Variants in EFCAB13 observed in about 807,000 individuals in gnomAD.
EFCAB13 encodes the protein EF-hand calcium-binding domain-containing protein 13.
In EFCAB13, 91 loss-of-function variants were observed where a neutral mutation model predicts 110.2. The observed-to-expected ratio is 0.83, with a 90% CI of 0.70 to 0.98. The LOEUF is 0.98. Among genes scored for constraint, EFCAB13 ranks in the 50% least tolerant of loss-of-function variants. The pLI is 0.00. For synonymous variants in EFCAB13, 323 were observed against 369.9 expected (o/e 0.87, Z 1.45); for missense variants, 968 against 1,119.4 (o/e 0.86, Z 1.93).
chr17:47,440,416 T>C lies in EFCAB13; in HGVS notation c.2639-15T>C, dbSNP rs1190592585. On this transcript the variant is annotated splice_polypyrimidine_tract_variant and intron_variant, in intron 24 of 24. Transcript: ENST00000331493. ...ATAATTCTTTCTTTTAAGTAAATTA[T>C]GCTTTGCCTTACAGAAAGTGGCAAG... is the stretch of plus-strand genomic sequence containing the variant. The C allele has an allele frequency of 6.5e-7, 1 of 1,550,176 alleles. No homozygotes were observed. Among genetic ancestry groups the C allele is most frequent in the Non-Finnish European group, 8.7e-7 (1 of 1,154,438 alleles).
Position 47,344,812 on chromosome 17 carries a change from G to A in EFCAB13, c.435-204G>A, listed in dbSNP as rs541340391. 8.5e-5 allele frequency among the ~76,000 whole-genome samples: 13 copies of A among 152,192 alleles called. No individual in the cohort carries two copies. In the East Asian group the frequency reaches 2.3e-3, roughly 27 times the overall value. Reference sequence around the variant, plus strand: ...GTCATGGGCACTATTTGCAGACTAGGGTGAATTCTGCTTTATAGAAAAATA... The same window carrying A: ...GTCATGGGCACTATTTGCAGACTAGAGTGAATTCTGCTTTATAGAAAAATA... On this transcript the variant is annotated intron_variant, in intron 7 of 24. Coordinates refer to ENST00000331493, the MANE Select transcript of EFCAB13 (RefSeq NM_152347.5).
At chr17:47,396,198 C>A (rs774034523) in intron 17 of EFCAB13, among the ~76,000 whole-genome samples, 5 of 151,930 alleles carry the variant, frequency 3.3e-5, no homozygotes, top group Non-Finnish European at 5.9e-5. Context: ...CTAAATTGAT[C>A]AAATATGCAT....
At chr17:47,413,904 CTTT>C (rs1395527739) in intron 22 of EFCAB13, among the ~76,000 whole-genome samples, 1 of 152,050 alleles carries the variant, frequency 6.6e-6, no homozygotes, top group Non-Finnish European at 1.5e-5. Flanking sequence ...GGGCTCGAAT[CTTT>C]TTTTCTGACT....
intron 24 of EFCAB13, chr17:47,430,688 G>C (rs1443289685): frequency 3.9e-5 from 6 of 152,086 alleles, no homozygotes; most frequent in Non-Finnish European, 8.8e-5. Flanking sequence ...ATTGAATAAA[G>C]TTGTTCTCTT....
intron 23 of EFCAB13, among the ~76,000 whole-genome samples, chr17:47,416,130 A>T (rs1904434008): frequency 6.6e-6 from 1 of 152,210 alleles, no homozygotes; most frequent in Non-Finnish European, 1.5e-5. Flanking sequence ...GAATTGAGAC[A>T]TAATTAATAT....
chr17:47,377,001 C>T (rs927805599), intron 12 of EFCAB13, among the ~76,000 whole-genome samples: 3 of 152,122 alleles, frequency 2.0e-5, no homozygotes, highest in African/African-American at 2.4e-5. Context: ...AAGCACATGA[C>T]GTCTATGTGT....
intron 9 of EFCAB13, among the ~76,000 whole-genome samples, chr17:47,359,522 T>G (rs921615675): frequency 5.9e-5 from 9 of 151,290 alleles, no homozygotes; most frequent in African/African-American, 1.5e-4. Flanking sequence ...ATTGTGTTTT[T>G]TTTTTTTTTT....
chr17:47,412,109 C>T (rs2065839021), intron 21 of EFCAB13, among the ~76,000 whole-genome samples: 2 of 152,030 alleles, frequency 1.3e-5, no homozygotes, highest in African/African-American at 4.8e-5. Flanking sequence ...CAAAAACAAA[C>T]AGACAAAAAC....
At chr17:47,361,577 A>G in intron 10 of EFCAB13, 56 bp downstream of exon 10, 1 of 1,441,392 alleles carries the variant, frequency 6.9e-7, no homozygotes, top group Non-Finnish European at 9.4e-7. Flanking sequence ...ATATTTATAC[A>G]TTTTTTTCCG....
chr17:47,374,337 T>C, intron 11 of EFCAB13, 135 bp from the exon 12 acceptor site: 1 of 684,498 alleles, frequency 1.5e-6, no homozygotes. Flanking sequence ...AGTTCTTTAA[T>C]TTTTTTGGTT....
intron 14 of EFCAB13, among the ~76,000 whole-genome samples, chr17:47,383,463 G>T (rs148005771): frequency 6.6e-6 from 1 of 152,160 alleles, no homozygotes; most frequent in Admixed American, 6.5e-5. Context: ...GCATCCCAGA[G>T]ATTCTGGTAC....
At chr17:47,400,683 TCCTTCCCTTC>T (rs570565420) in intron 17 of EFCAB13, among the ~76,000 whole-genome samples, 3 of 134,880 alleles carry the variant, frequency 2.2e-5, no homozygotes, top group East Asian at 2.5e-4. Context: ...CCCTTCCCTC[TCCTTCCCTTC>T]CCTTCCCTTC....
Position 47,441,229 on chromosome 17 carries a change from C to G in EFCAB13, c.*515C>G, listed in dbSNP as rs1905318926. 1 of 152,098 alleles carries G rather than the reference C, an allele frequency of 6.6e-6. No homozygotes were observed. The highest frequency in any genetic ancestry group is 2.1e-4 in the South Asian group (1 of 4,836). 9.4% of individuals were successfully genotyped at this position (152,098 alleles called of 1,614,324 possible). On this transcript the variant is annotated 3_prime_UTR_variant, in exon 25 of 25. Coordinates refer to ENST00000331493, the MANE Select transcript of EFCAB13 (RefSeq NM_152347.5). ...TTTATACTCTCATTTATACTACCAA[C>G]CCTCCCTAGAAAAAATGGATTCTGA...
At chr17:47,425,113 A>T (rs1009899332) in intron 23 of EFCAB13, among the ~76,000 whole-genome samples, 7 of 150,050 alleles carry the variant, frequency 4.7e-5, no homozygotes, top group Non-Finnish European at 1.0e-4. Flanking sequence ...CGATCTCCTG[A>T]CCTCGTGATC....
At chr17:47,399,558 A>T (rs1317403374) in intron 17 of EFCAB13, among the ~76,000 whole-genome samples, 2 of 152,000 alleles carry the variant, frequency 1.3e-5, no homozygotes, top group Non-Finnish European at 2.9e-5. Context: ...AACTGCTGAA[A>T]CAGCTCCATA....
At chr17:47,421,252 G>C (rs1469605973) in intron 23 of EFCAB13, among the ~76,000 whole-genome samples, 136 of 151,370 alleles carry the variant, frequency 9.0e-4, no homozygotes, top group African/African-American at 2.1e-3. Context: ...TGCCGTGTCT[G>C]TGTAGAAAGA....
intron 15 of EFCAB13, among the ~76,000 whole-genome samples, 194 bp downstream of exon 15, chr17:47,391,774 T>C (rs1598746708): frequency 6.6e-6 from 1 of 151,876 alleles, no homozygotes; most frequent in Non-Finnish European, 1.5e-5. Flanking sequence ...CCAGTATTAA[T>C]AGTCTTTTTA....
chr17:47,335,173 ATTGTGGCTCT>A lies in EFCAB13; in HGVS notation c.31-21_31-12del. On this transcript the variant is annotated splice_polypyrimidine_tract_variant and intron_variant, in intron 4 of 24. Coordinates refer to ENST00000331493, the MANE Select transcript of EFCAB13 (RefSeq NM_152347.5). Reference sequence around the variant, plus strand: ...TGTATGTGCAAAGAGGACATGCTTGATTGTGGCTCTTATATTCCCCAGGCAGAGGAAAATA... The same window carrying A: ...TGTATGTGCAAAGAGGACATGCTTGATATATTCCCCAGGCAGAGGAAAATA... 6.4e-7 allele frequency: 1 copy of A among 1,571,064 alleles called. No homozygotes were observed. The highest frequency in any genetic ancestry group is 8.6e-7 in the Non-Finnish European group (1 of 1,163,762).
intron 21 of EFCAB13, among the ~76,000 whole-genome samples, chr17:47,411,135 A>G (rs910872495): frequency 1.1e-4 from 17 of 152,256 alleles, no homozygotes; most frequent in Admixed American, 5.2e-4. Flanking sequence ...TTACTATGCT[A>G]TTGTTCCAAA....
Sources: allele counts gnomAD v4.1 joint callset (sites outside exome capture counted in the v4.1 genomes callset), GRCh38; gene constraint gnomAD v4.1.1; transcripts MANE v1.5; gene names NCBI Gene and HGNC (gene_info 2026-07-23, HGNC 2026-07-21).